BTBD9: variants seen among roughly 807,000 people sequenced by gnomAD.
BTBD9 encodes BTB domain containing 9.
In BTBD9, 49 loss-of-function variants were observed where a neutral mutation model predicts 64.3. That is an observed-to-expected ratio of 0.76 (90% CI 0.61 to 0.97). The LOEUF (loss-of-function observed/expected upper bound fraction) is 0.97. Among genes scored for constraint, BTBD9 ranks in the 50% least tolerant of loss-of-function variants. BTBD9 has a pLI of 0.00. For synonymous variants in BTBD9, 260 were observed against 274.7 expected (o/e 0.95, Z 0.53); for missense variants, 598 against 762.1 (o/e 0.78, Z 2.53).
intron 8 of BTBD9, among the ~76,000 whole-genome samples, chr6:38,258,439 GGTCATATGT>G (rs1200054623): frequency 1.3e-5 from 2 of 152,144 alleles, no homozygotes; most frequent in Non-Finnish European, 2.9e-5. Context: ...CTTTATAGTT[GGTCATATGT>G]GTTTGCTTCT....
At chr6:38,258,433 A>G (rs1764677077) in intron 8 of BTBD9, among the ~76,000 whole-genome samples, 1 of 152,194 alleles carries the variant, frequency 6.6e-6, no homozygotes, top group South Asian at 2.1e-4. Context: ...TTACTGCTTT[A>G]TAGTTGGTCA....
At chr6:38,265,388 G>A (rs141658789) in intron 8 of BTBD9, among the ~76,000 whole-genome samples, 1 of 152,050 alleles carries the variant, frequency 6.6e-6, no homozygotes, top group East Asian at 1.9e-4. Flanking sequence ...ATCTAGGTAT[G>A]TTATCTGAAA....
intron 6 of BTBD9, among the ~76,000 whole-genome samples, chr6:38,392,591 A>G (rs1254584998): frequency 6.6e-6 from 1 of 152,210 alleles, no homozygotes; most frequent in South Asian, 2.1e-4. Context: ...TGAAGGAGCT[A>G]ATTTTATCCT....
chr6:38,442,661 CTT>C (rs11313452), intron 6 of BTBD9, among the ~76,000 whole-genome samples: 166 of 57,564 alleles, frequency 2.9e-3, no homozygotes, highest in East Asian at 0.011. Context: ...CATTTGTACT[CTT>C]TTTTTTTTTT....
At chr6:38,406,504 C>T (rs1190055098) in intron 6 of BTBD9, among the ~76,000 whole-genome samples, 1 of 152,122 alleles carries the variant, frequency 6.6e-6, no homozygotes, top group African/African-American at 2.4e-5. Context: ...TTTTCATTTA[C>T]AGTAAGGAGT....
intron 6 of BTBD9, among the ~76,000 whole-genome samples, chr6:38,457,514 G>C (rs918979595): frequency 6.6e-6 from 1 of 152,086 alleles, no homozygotes; most frequent in East Asian, 1.9e-4. Flanking sequence ...TCAAGGATGA[G>C]TCCTAAGCTT....
chr6:38,475,629 C>T (rs564344887), intron 6 of BTBD9, among the ~76,000 whole-genome samples: 1 of 152,280 alleles, frequency 6.6e-6, no homozygotes, highest in East Asian at 1.9e-4. Flanking sequence ...TCATCCTATA[C>T]AGGAATGTAA....
chr6:38,416,894 A>G (rs1469642299), intron 6 of BTBD9, among the ~76,000 whole-genome samples: 1 of 152,084 alleles, frequency 6.6e-6, no homozygotes, highest in Non-Finnish European at 1.5e-5. Flanking sequence ...TGTGACATGC[A>G]GGTCCCAGCC....
At chr6:38,513,723 A>C (rs191069134) in intron 6 of BTBD9, among the ~76,000 whole-genome samples, 60 of 152,226 alleles carry the variant, frequency 3.9e-4, no homozygotes, top group Admixed American at 8.5e-4. Context: ...TGGGGTAGAC[A>C]AGCAAAAGTA....
In BTBD9 at chr6:38,174,267, C is replaced by T. The variant is rs1431812088; in HGVS notation, c.*718G>A. 6.6e-6 allele frequency: 1 copy of T among 152,258 alleles called. No individual in the cohort carries two copies. The highest frequency in any genetic ancestry group is 1.5e-5 in the Non-Finnish European group (1 of 68,068). 9.4% of individuals were successfully genotyped at this position (152,258 alleles called of 1,614,324 possible). A position where few individuals can be genotyped will look rare whatever the true frequency, so the allele number is the denominator to read the frequency against. The stretch of plus-strand genomic sequence containing the variant: ...CACGAGTGACTATTAACTCCAGTGT[C>T]CACAGGTTGATTTGCTTGTGTGCAT... On this transcript the variant is annotated 3_prime_UTR_variant, in exon 11 of 11. Transcript: ENST00000481247.
chr6:38,375,949 AGG>A lies in BTBD9; in HGVS notation c.1155-30858_1155-30857del, dbSNP rs1491541117. Among the ~76,000 whole-genome samples, 610 of 82,684 alleles carry A rather than the reference AGG, an allele frequency of 7.4e-3. 8 individuals are homozygous for A. Among genetic ancestry groups the A allele is most frequent in the African/African-American group, 0.037 (567 of 15,330 alleles). 54.2% of individuals were successfully genotyped at this position (82,684 alleles called of 152,430 possible). A position where few individuals can be genotyped will look rare whatever the true frequency, so the allele number is the denominator to read the frequency against. On this transcript the variant is annotated intron_variant, in intron 6 of 10. Coordinates refer to ENST00000481247, the MANE Select transcript of BTBD9 (RefSeq NM_001099272.2). Reference sequence around the variant, plus strand: ...AAAGAAAGAAAGAAAGAAGGAAAGAAGGAAAGAAAGAAAGAAAAAACGTGTAG... The same window carrying A: ...AAAGAAAGAAAGAAAGAAGGAAAGAAAAAGAAAGAAAGAAAAAACGTGTAG...
intron 6 of BTBD9, among the ~76,000 whole-genome samples, chr6:38,548,145 A>AT (rs1383888497): frequency 1.3e-5 from 2 of 152,236 alleles, no homozygotes; most frequent in Admixed American, 6.5e-5. Context: ...CAGCAAATCT[A>AT]TAAGTATACT....
At chr6:38,276,214 T>C (rs569611902) in intron 8 of BTBD9, among the ~76,000 whole-genome samples, 451 of 151,926 alleles carry the variant, frequency 3.0e-3, no homozygotes, top group African/African-American at 0.01. Context: ...ATGGATGAAA[T>C]TGGAAATCAT....
chr6:38,279,396 TAAG>T lies in BTBD9; in HGVS notation c.1454+8873_1454+8875del, dbSNP rs200347064. 8.7e-3 allele frequency among the ~76,000 whole-genome samples: 1,318 copies of T among 152,194 alleles called. 12 individuals are homozygous for T. The highest frequency in any genetic ancestry group is 0.013 in the Non-Finnish European group (915 of 68,002). ...GATTTAAGGGTACTTGGGGAAAGAA[TAAG>T]AAGATTTTCAAAGGTAGATCACTGC... On this transcript the variant is annotated intron_variant, in intron 8 of 10. Transcript: ENST00000481247.
chr6:38,171,880 A>AAATAATAATAATAATAAT lies in BTBD9; in HGVS notation c.*3087_*3104dup. 1.1e-5 allele frequency: 1 copy of AAATAATAATAATAATAAT among 89,548 alleles called. No individual in the cohort carries two copies. Among genetic ancestry groups the AAATAATAATAATAATAAT allele is most frequent in the East Asian group, 4.3e-4 (1 of 2,352 alleles). The allele number at this position is 89,548 out of a possible 1,614,324, so 5.5% of individuals were successfully genotyped here. A position where few individuals can be genotyped will look rare whatever the true frequency, so the allele number is the denominator to read the frequency against. ...AAAAAAAAAAAAAAAAAAAAAAAAA[A>AAATAATAATAATAATAAT]AATAATAATAATAATAATAATAATA... On this transcript the variant is annotated 3_prime_UTR_variant, in exon 11 of 11. Coordinates refer to ENST00000481247, the MANE Select transcript of BTBD9 (RefSeq NM_001099272.2).
intron 10 of BTBD9, among the ~76,000 whole-genome samples, chr6:38,189,845 T>C (rs1313224022): frequency 6.6e-6 from 1 of 152,014 alleles, no homozygotes; most frequent in Non-Finnish European, 1.5e-5. Flanking sequence ...AGCTAATTTT[T>C]GTATTTTTAG....
chr6:38,617,348 T>G (rs746971407), intron 1 of BTBD9, among the ~76,000 whole-genome samples: 43 of 152,308 alleles, frequency 2.8e-4, no homozygotes, highest in Non-Finnish European at 4.4e-4. Flanking sequence ...TCCTGACCCT[T>G]GCCTCCTGGG....
intron 6 of BTBD9, among the ~76,000 whole-genome samples, chr6:38,535,777 A>T (rs974983842): frequency 6.6e-6 from 1 of 152,160 alleles, no homozygotes; most frequent in African/African-American, 2.4e-5. Flanking sequence ...ATCTTCAATA[A>T]ATGGTGCTGG....
At chr6:38,236,161 C>T (rs1302895774) in intron 9 of BTBD9, among the ~76,000 whole-genome samples, 1 of 152,202 alleles carries the variant, frequency 6.6e-6, no homozygotes, top group East Asian at 1.9e-4. Flanking sequence ...AGCTTTGACA[C>T]TACTTTTCCA....
Sources: allele counts gnomAD v4.1 joint callset (sites outside exome capture counted in the v4.1 genomes callset), GRCh38; gene constraint gnomAD v4.1.1; transcripts MANE v1.5; gene names NCBI Gene and HGNC (gene_info 2026-07-23, HGNC 2026-07-21).